Variants in GALNT10 observed in about 807,000 individuals in gnomAD.
GALNT10 encodes the protein polypeptide N-acetylgalactosaminyltransferase 10, also known as GalNAc transferase 10.
GALNT10 carries 41 observed loss-of-function variants against 75.0 expected under a neutral mutation model. The ratio of observed to expected loss-of-function variants is 0.55; its 90% CI spans 0.43 to 0.71. The LOEUF (loss-of-function observed/expected upper bound fraction) is 0.71, where lower values mean the gene tolerates loss of function less well. Among genes scored for constraint, GALNT10 ranks in the 30% least tolerant of loss-of-function variants. GALNT10 has a pLI of 0.00. For synonymous variants in GALNT10, 302 were observed against 313.0 expected (o/e 0.96, Z 0.37); for missense variants, 727 against 818.5 (o/e 0.89, Z 1.36).
intron 8 of GALNT10, among the ~76,000 whole-genome samples, chr5:154,405,078 C>T (rs1327438118): frequency 6.6e-6 from 1 of 152,138 alleles, no homozygotes; most frequent in Non-Finnish European, 1.5e-5. Flanking sequence ...CTGGAAAGGA[C>T]CCCCGCACAG....
chr5:154,294,837 A>T lies in GALNT10; in HGVS notation c.181A>T (p.Lys61Ter). 1.3e-6 allele frequency: 2 copies of T among 1,599,814 alleles called. No homozygotes were observed. The highest frequency in any genetic ancestry group is 1.7e-6 in the Non-Finnish European group (2 of 1,167,012). Reference protein sequence around the residue: ...AGQGSHSRQKKTFFLGDGQKL... With the variant: ...AGQGSHSRQK Reference sequence around the variant, plus strand: ...TAAGGGCTCACACAGTCGACAAAAGAAAACGTTTTTCTTGGGAGATGGGCA... The same window carrying T: ...TAAGGGCTCACACAGTCGACAAAAGTAAACGTTTTTCTTGGGAGATGGGCA... Residue 61 changes from lysine to a stop codon, truncating the protein, a stop_gained, in exon 2 of 12, where the codon AAA becomes TAA. Transcript: ENST00000297107. LOFTEE classifies it high-confidence loss of function.
At chr5:154,255,270 T>A (rs1161582542) in intron 1 of GALNT10, among the ~76,000 whole-genome samples, 2 of 152,046 alleles carry the variant, frequency 1.3e-5, no homozygotes, top group Non-Finnish European at 2.9e-5. Flanking sequence ...TCAAGGTATA[T>A]CCCTCAATTA....
chr5:154,359,236 G>A (rs1581991223), intron 4 of GALNT10, among the ~76,000 whole-genome samples: 2 of 152,116 alleles, frequency 1.3e-5, no homozygotes, highest in East Asian at 3.9e-4. Flanking sequence ...TTTTGCTAGA[G>A]CCTCATTTTG....
intron 1 of GALNT10, among the ~76,000 whole-genome samples, chr5:154,255,741 G>A (rs377232767): frequency 2.5e-4 from 38 of 152,096 alleles, no homozygotes; most frequent in African/African-American, 8.9e-4. Context: ...TCAAGGAGTA[G>A]GCAAAGGGCA....
intron 4 of GALNT10, chr5:154,337,464 A>G: frequency 1.4e-6 from 1 of 705,588 alleles, no homozygotes; most frequent in Non-Finnish European, 2.6e-6. Flanking sequence ...TTCTTGCAGT[A>G]ATTAAAATCT....
At chr5:154,316,876 C>G (rs1255952185) in intron 3 of GALNT10, among the ~76,000 whole-genome samples, 1 of 152,208 alleles carries the variant, frequency 6.6e-6, no homozygotes, top group Non-Finnish European at 1.5e-5. Flanking sequence ...AGCCCCATGC[C>G]CTTCCTGGGA....
chr5:154,270,722 C>T (rs916506700), intron 1 of GALNT10, among the ~76,000 whole-genome samples: 1 of 152,080 alleles, frequency 6.6e-6, no homozygotes, highest in Non-Finnish European at 1.5e-5. Context: ...TGGCTGGGCA[C>T]AGTGGCTCAT....
intron 1 of GALNT10, among the ~76,000 whole-genome samples, chr5:154,234,314 C>T (rs1416652546): frequency 6.6e-6 from 1 of 152,200 alleles, no homozygotes; most frequent in Non-Finnish European, 1.5e-5. Context: ...ATTTTTCCTA[C>T]CCAGGGTCTT....
intron 1 of GALNT10, among the ~76,000 whole-genome samples, chr5:154,279,935 A>G (rs1754014349): frequency 6.6e-6 from 1 of 152,196 alleles, no homozygotes; most frequent in Non-Finnish European, 1.5e-5. Context: ...ATATATCCAA[A>G]GAAAAGGAAA....
At chr5:154,236,378 T>C (rs1753246701) in intron 1 of GALNT10, among the ~76,000 whole-genome samples, 2 of 152,252 alleles carry the variant, frequency 1.3e-5, no homozygotes, top group Non-Finnish European at 2.9e-5. Context: ...ATTAGCACAT[T>C]CACACTAAAT....
intron 4 of GALNT10, among the ~76,000 whole-genome samples, chr5:154,358,968 T>C (rs1755341039): frequency 6.6e-6 from 1 of 152,206 alleles, no homozygotes; most frequent in African/African-American, 2.4e-5. Flanking sequence ...TTTTTTCCCC[T>C]GTTTTCTGCC....
intron 3 of GALNT10, among the ~76,000 whole-genome samples, chr5:154,319,114 G>C (rs7718235): frequency 0.013 from 1,941 of 152,288 alleles, 41 homozygotes; most frequent in African/African-American, 0.044. Flanking sequence ...ACTCTGCCTG[G>C]TCCTGACCCC....
At chr5:154,329,786 G>T in intron 4 of GALNT10, 48 bp downstream of exon 4, 2 of 1,426,040 alleles carry the variant, frequency 1.4e-6, no homozygotes, top group South Asian at 1.2e-5. Context: ...TTCATCTGGC[G>T]ACTCACCAAA....
intron 1 of GALNT10, among the ~76,000 whole-genome samples, chr5:154,287,004 A>T (rs2443530): frequency 0.085 from 12,983 of 152,262 alleles, 641 homozygotes; most frequent in Middle Eastern, 0.15. Flanking sequence ...GGTCAGCCTC[A>T]CTTAAGTCTG....
intron 8 of GALNT10, among the ~76,000 whole-genome samples, chr5:154,408,770 T>C (rs190173732): frequency 7.2e-5 from 11 of 152,272 alleles, no homozygotes; most frequent in Middle Eastern, 6.8e-3. Context: ...AATTTGCCTT[T>C]ATCACATAGC....
At position 154,218,477 on chromosome 5, in the gene GALNT10, A is replaced by G. The variant is rs985768394; in HGVS notation, c.159+27452A>G. Among the ~76,000 whole-genome samples the G allele has an allele frequency of 4.5e-4, 68 of 152,158 alleles. 2 individuals carry two copies. The highest frequency in any genetic ancestry group is 4.3e-3 in the Admixed American group (66 of 15,276). On this transcript the variant is annotated intron_variant, in intron 1 of 11. Transcript: ENST00000297107. ...GTTTCCTCTTCTCTAGAATGGGAAT[A>G]TTCATTTCACAGGCATAATGAGAAT...
intron 3 of GALNT10, among the ~76,000 whole-genome samples, chr5:154,320,086 G>A (rs1754651251): frequency 6.6e-6 from 1 of 152,186 alleles, no homozygotes; most frequent in Non-Finnish European, 1.5e-5. Context: ...CCTCTACTAA[G>A]CTGGGACCAA....
intron 1 of GALNT10, among the ~76,000 whole-genome samples, chr5:154,223,073 T>G (rs1479724710): frequency 6.6e-6 from 1 of 152,176 alleles, no homozygotes; most frequent in African/African-American, 2.4e-5. Flanking sequence ...TTGGATATTA[T>G]TTTGCATAAT....
chr5:154,216,859 G>T (rs890167058), intron 1 of GALNT10, among the ~76,000 whole-genome samples: 1 of 152,038 alleles, frequency 6.6e-6, no homozygotes, highest in African/African-American at 2.4e-5. Context: ...CTCAGCAATT[G>T]CTTTTTACTT....
Sources: gnomAD v4.1 joint callset for allele counts (sites outside exome capture counted in the v4.1 genomes callset) on GRCh38, gnomAD v4.1.1 for gene constraint, MANE v1.5 for transcripts, NCBI Gene and HGNC (gene_info 2026-07-23, HGNC 2026-07-21) for gene names.